Variants in ABAT observed in about 807,000 individuals in gnomAD.
ABAT encodes 4-aminobutyrate aminotransferase, mitochondrial.
Under a neutral mutation model 64.6 loss-of-function variants are expected in ABAT, and 45 were observed. The observed-to-expected ratio is 0.70, with a 90% CI of 0.55 to 0.89. The LOEUF is 0.89. ABAT is among the 40% of genes least tolerant of loss of function. The probability of loss-of-function intolerance (pLI) is 0.00; values close to 1 mark genes in which losing one functional copy is unlikely to be tolerated. For synonymous variants in ABAT, 297 were observed against 250.5 expected (o/e 1.19, Z -1.75); for missense variants, 633 against 658.4 (o/e 0.96, Z 0.42).
At chr16:8,707,279 C>T (rs2057968201) in intron 1 of ABAT, among the ~76,000 whole-genome samples, 2 of 151,968 alleles carry the variant, frequency 1.3e-5, no homozygotes, top group South Asian at 4.2e-4. Context: ...CTCGACCTCC[C>T]AGACTCAAGC....
intron 1 of ABAT, chr16:8,731,347 C>G (rs991668952): frequency 3.3e-5 from 5 of 152,164 alleles, no homozygotes; most frequent in African/African-American, 9.7e-5. Context: ...GTAACTCAAC[C>G]CAAAGAAATT....
intron 14 of ABAT, among the ~76,000 whole-genome samples, chr16:8,778,776 CA>C (rs71152934): frequency 2.0e-4 from 27 of 133,638 alleles, no homozygotes; most frequent in South Asian, 7.1e-4. Context: ...GACTCCATCT[CA>C]AAAAAAAAAA....
At chr16:8,772,402 G>A (rs545021030) in intron 11 of ABAT, among the ~76,000 whole-genome samples, 4 of 151,940 alleles carry the variant, frequency 2.6e-5, no homozygotes, top group South Asian at 2.1e-4. Flanking sequence ...TAAAACAGAG[G>A]CAGAACCACA....
At chr16:8,767,825 A>G (rs2059989054) in intron 9 of ABAT, among the ~76,000 whole-genome samples, 2 of 151,834 alleles carry the variant, frequency 1.3e-5, no homozygotes, top group Admixed American at 1.3e-4. Context: ...ACAGGCCCCC[A>G]CCACCATGCC....
At chr16:8,761,702 G>C (rs974576054) in intron 6 of ABAT, among the ~76,000 whole-genome samples, 1 of 152,278 alleles carries the variant, frequency 6.6e-6, no homozygotes, top group South Asian at 2.1e-4. Context: ...CAGTAGGCCG[G>C]GGCACCACTG....
rs1352086882 is a variant in ABAT at position 8,776,509 on chromosome 16, C to T, written c.1269+19C>T. The T allele has an allele frequency of 6.3e-7, 1 of 1,577,228 alleles. No individual in the cohort carries two copies. Among genetic ancestry groups the T allele is most frequent in the Non-Finnish European group, 8.6e-7 (1 of 1,161,262 alleles). ...CCTCCAGGTAACACCCCCTCCCCTG[C>T]CCCGCCCCCACCACCCATGGCTCCC... On this transcript the variant is annotated intron_variant, in intron 14 of 15. Coordinates refer to ENST00000268251, the MANE Select transcript of ABAT (RefSeq NM_020686.6). The surrounding 1 kb of genome is among the most constrained non-coding windows in gnomAD (Gnocchi z 4.4).
Position 8,683,543 on chromosome 16 carries a change from C to G in ABAT, c.-42+8832C>G, listed in dbSNP as rs1189816440. 5 of 117,680 alleles carry G rather than the reference C, an allele frequency of 4.2e-5. No individual in the cohort carries two copies. In the East Asian group the frequency reaches 1.6e-3, roughly 38 times the overall value. The allele number at this position is 117,680 out of a possible 1,614,324, so 7.3% of individuals were successfully genotyped here. A position where few individuals can be genotyped will look rare whatever the true frequency, so the allele number is the denominator to read the frequency against. ...TCCAGCCTGGGCAACATAGTGGAAC[C>G]CTGTTTCTAAAAAAAAAAAAGAGAG... On this transcript the variant is annotated intron_variant, in intron 1 of 15. Transcript: ENST00000268251.
At chr16:8,700,111 A>G (rs886785877) in intron 1 of ABAT, among the ~76,000 whole-genome samples, 1 of 152,140 alleles carries the variant, frequency 6.6e-6, no homozygotes, top group African/African-American at 2.4e-5. Flanking sequence ...GTGAGCCACC[A>G]TGCCCAGCCT....
intron 1 of ABAT, among the ~76,000 whole-genome samples, chr16:8,711,976 A>G (rs1477035003): frequency 6.9e-6 from 1 of 144,342 alleles, no homozygotes; most frequent in East Asian, 2.1e-4. Flanking sequence ...GCGGTGGCTC[A>G]TGCCTGTAAT....
At chr16:8,725,465 C>T (rs1402014329) in intron 1 of ABAT, among the ~76,000 whole-genome samples, 3 of 152,196 alleles carry the variant, frequency 2.0e-5, no homozygotes, top group Non-Finnish European at 4.4e-5. Flanking sequence ...GATTCGTAGA[C>T]TATGGGGCAT....
At chr16:8,711,517 A>G (rs1334498663) in intron 1 of ABAT, among the ~76,000 whole-genome samples, 1 of 152,226 alleles carries the variant, frequency 6.6e-6, no homozygotes, top group Non-Finnish European at 1.5e-5. Flanking sequence ...GATGCTCAAC[A>G]TAGGAAAGGA....
At chr16:8,692,144 G>A (rs534022230) in intron 1 of ABAT, among the ~76,000 whole-genome samples, 4 of 152,246 alleles carry the variant, frequency 2.6e-5, no homozygotes, top group South Asian at 4.1e-4. Context: ...ACTTTGGGAC[G>A]CCAAGGTGGG....
rs57095363 is a variant in ABAT, at chr16:8,773,158, A to ATTTTTTT, written c.954+246_954+252dup. Among the ~76,000 whole-genome samples the ATTTTTTT allele has an allele frequency of 2.1e-3, 270 of 126,940 alleles. 4 individuals are homozygous for ATTTTTTT. The highest frequency in any genetic ancestry group is 8.1e-3 in the African/African-American group (247 of 30,546). 83.3% of individuals were successfully genotyped at this position (126,940 alleles called of 152,430 possible). On this transcript the variant is annotated intron_variant, in intron 12 of 15. Coordinates refer to ENST00000268251, the MANE Select transcript of ABAT (RefSeq NM_020686.6). The stretch of plus-strand genomic sequence containing the variant: ...CACACACACACACACATATATATAT[A>ATTTTTTT]TTTTTTTTTTTGAGACAGAGTCTCA...
In ABAT at chr16:8,775,076, T is replaced by A. The variant is rs200806830; in HGVS notation, c.1122+19T>A. 1 of 1,614,136 alleles carries A rather than the reference T, an allele frequency of 6.2e-7. No homozygotes were observed. The highest frequency in any genetic ancestry group is 1.3e-5 in the African/African-American group (1 of 75,040). Reference sequence around the variant, plus strand: ...TAATGCTGTGAGTTGGAGCCAACCTTCTCTCTACATCCAGGGCAGAGAAGG... The same window carrying A: ...TAATGCTGTGAGTTGGAGCCAACCTACTCTCTACATCCAGGGCAGAGAAGG... On this transcript the variant is annotated intron_variant, in intron 13 of 15. Transcript: ENST00000268251.
At chr16:8,735,880 T>TCTTCCAGCCCA in intron 2 of ABAT, 71 bp downstream of exon 2, 2 of 1,392,876 alleles carry the variant, frequency 1.4e-6, no homozygotes, top group Non-Finnish European at 2.0e-6. Flanking sequence ...ATTCCTGGGC[T>TCTTCCAGCCCA]GGAAGAGCCC....
intron 1 of ABAT, among the ~76,000 whole-genome samples, chr16:8,701,604 T>G (rs2057824050): frequency 6.6e-6 from 1 of 152,256 alleles, no homozygotes; most frequent in Non-Finnish European, 1.5e-5. Context: ...TACTGATGGT[T>G]ACTGCATTAT....
chr16:8,709,921 C>T (rs988580789), intron 1 of ABAT, among the ~76,000 whole-genome samples: 13 of 151,868 alleles, frequency 8.6e-5, no homozygotes, highest in Admixed American at 3.9e-4. Context: ...ATCCTCCCTC[C>T]GCCGCCTGAG....
At chr16:8,720,499 G>C (rs1313870681) in intron 1 of ABAT, among the ~76,000 whole-genome samples, 3 of 152,240 alleles carry the variant, frequency 2.0e-5, no homozygotes, top group Admixed American at 6.5e-5. Flanking sequence ...TGCAGGGAGA[G>C]AGGGCTGGGG....
chr16:8,679,863 G>A (rs1454058199), intron 1 of ABAT, among the ~76,000 whole-genome samples: 3 of 152,066 alleles, frequency 2.0e-5, no homozygotes, highest in Non-Finnish European at 4.4e-5. Flanking sequence ...AGCATTCTGA[G>A]GGGGTCTGTG....
Sources: allele counts gnomAD v4.1 joint callset (sites outside exome capture counted in the v4.1 genomes callset), GRCh38; gene constraint gnomAD v4.1.1; non-coding constraint Gnocchi (gnomAD v3.1); transcripts MANE v1.5; gene names NCBI Gene and HGNC (gene_info 2026-07-23, HGNC 2026-07-21).